FRMD5: variants seen among roughly 807,000 people sequenced by gnomAD.
The protein encoded by FRMD5 is FERM domain-containing protein 5.
Under a neutral mutation model 69.0 loss-of-function variants are expected in FRMD5, and 20 were observed. The observed-to-expected ratio is 0.29, with a 90% CI of 0.20 to 0.42. The LOEUF (loss-of-function observed/expected upper bound fraction) is 0.42, where lower values mean the gene tolerates loss of function less well. Ranked by LOEUF, FRMD5 falls within the 10% of genes least tolerant of loss-of-function variation. The probability of loss-of-function intolerance (pLI) is 1.00; values close to 1 mark genes in which losing one functional copy is unlikely to be tolerated. For synonymous variants in FRMD5, 271 were observed against 260.1 expected, an observed-to-expected ratio of 1.04 and a Z score of -0.40; for missense variants, 595 against 708.6, an observed-to-expected ratio of 0.84 and a Z score of 1.82.
intron 1 of FRMD5, among the ~76,000 whole-genome samples, chr15:44,106,127 A>G (rs569138212): frequency 6.6e-6 from 1 of 152,252 alleles, no homozygotes; most frequent in African/African-American, 2.4e-5. Context: ...ACGATGTTTT[A>G]AAAAGTACGG....
chr15:43,949,646 C>T (rs2089996593), intron 1 of FRMD5, among the ~76,000 whole-genome samples: 1 of 152,234 alleles, frequency 6.6e-6, no homozygotes. Flanking sequence ...TTGCATCATT[C>T]CACATAGCCA....
intron 1 of FRMD5, among the ~76,000 whole-genome samples, chr15:44,165,659 A>C (rs1395766340): frequency 6.6e-6 from 1 of 151,974 alleles, no homozygotes; most frequent in African/African-American, 2.4e-5. Context: ...AACATGGTGA[A>C]ACCCCATCTC....
At chr15:43,967,948 T>C (rs2090320247) in intron 1 of FRMD5, among the ~76,000 whole-genome samples, 1 of 151,638 alleles carries the variant, frequency 6.6e-6, no homozygotes, top group Non-Finnish European at 1.5e-5. Context: ...CCCTGGTGTG[T>C]GATGTTCCCC....
At chr15:44,090,581 A>T (rs1416048241) in intron 1 of FRMD5, among the ~76,000 whole-genome samples, 2 of 152,050 alleles carry the variant, frequency 1.3e-5, no homozygotes, top group South Asian at 2.1e-4. Context: ...CTGGGATTAC[A>T]GGTGCCCACC....
At chr15:43,889,018 A>G in intron 8 of FRMD5, 146 bp from the exon 9 acceptor site, 3 of 670,124 alleles carry the variant, frequency 4.5e-6, no homozygotes, top group Non-Finnish European at 7.9e-6. Flanking sequence ...ACAAGACAGC[A>G]GCGCAGTGGC....
intron 1 of FRMD5, among the ~76,000 whole-genome samples, chr15:44,175,040 C>A (rs935425164): frequency 1.5e-4 from 23 of 152,198 alleles, no homozygotes; most frequent in Non-Finnish European, 3.4e-4. Flanking sequence ...CCTGCACATT[C>A]TGCACATGTA....
chr15:44,180,477 G>A (rs1315187365), intron 1 of FRMD5, among the ~76,000 whole-genome samples: 1 of 151,988 alleles, frequency 6.6e-6, no homozygotes, highest in Non-Finnish European at 1.5e-5. Context: ...AAGAATTACA[G>A]AGAAAGGATG....
chr15:43,949,303 T>A (rs1280112092), intron 1 of FRMD5, among the ~76,000 whole-genome samples: 2 of 152,218 alleles, frequency 1.3e-5, no homozygotes, highest in Non-Finnish European at 2.9e-5. Context: ...CTATGCTCAC[T>A]GTCCACATGG....
intron 1 of FRMD5, among the ~76,000 whole-genome samples, chr15:43,939,441 G>A (rs578214513): frequency 6.6e-6 from 1 of 152,298 alleles, no homozygotes; most frequent in African/African-American, 2.4e-5. Context: ...AAAAGCTGCT[G>A]CCTCAGTAAA....
chr15:44,066,059 T>G (rs1893297303), intron 1 of FRMD5, among the ~76,000 whole-genome samples: 1 of 152,192 alleles, frequency 6.6e-6, no homozygotes, highest in Non-Finnish European at 1.5e-5. Flanking sequence ...CAACTCCAGG[T>G]GCTCTGATTT....
At chr15:43,874,808 G>A (rs905134745) in intron 13 of FRMD5, among the ~76,000 whole-genome samples, 1 of 152,112 alleles carries the variant, frequency 6.6e-6, no homozygotes, top group Non-Finnish European at 1.5e-5. Flanking sequence ...GCTGAGGCAG[G>A]AGAATCGCTT....
At chr15:44,069,962 G>A (rs1893467526) in intron 1 of FRMD5, among the ~76,000 whole-genome samples, 1 of 152,132 alleles carries the variant, frequency 6.6e-6, no homozygotes, top group Admixed American at 6.6e-5. Flanking sequence ...TTCATAAGAG[G>A]ATTATAATAA....
chr15:43,924,884 G>A (rs2089555951), intron 1 of FRMD5, among the ~76,000 whole-genome samples: 1 of 152,036 alleles, frequency 6.6e-6, no homozygotes, highest in African/African-American at 2.4e-5. Flanking sequence ...CAGGCACATT[G>A]TAGGATATTT....
At chr15:44,050,519 C>G (rs891656541) in intron 1 of FRMD5, among the ~76,000 whole-genome samples, 94 of 134,090 alleles carry the variant, frequency 7.0e-4, no homozygotes, top group African/African-American at 2.4e-3. Context: ...TGCCACCATG[C>G]CTGGCTCCCT....
chr15:44,172,107 T>C (rs1157708541), intron 1 of FRMD5, among the ~76,000 whole-genome samples: 2 of 151,334 alleles, frequency 1.3e-5, no homozygotes, highest in Non-Finnish European at 2.9e-5. Context: ...TTTTTTTTTT[T>C]TGAGGCAGGG....
chr15:43,899,455 T>A (rs1391036364), intron 7 of FRMD5, among the ~76,000 whole-genome samples: 1 of 152,196 alleles, frequency 6.6e-6, no homozygotes, highest in African/African-American at 2.4e-5. Context: ...GGGTAGTGAC[T>A]TGAGTTCAAA....
chr15:44,008,898 C>T (rs969893997), intron 1 of FRMD5, among the ~76,000 whole-genome samples: 1 of 151,982 alleles, frequency 6.6e-6, no homozygotes, highest in Admixed American at 6.6e-5. Flanking sequence ...TGGTGGCAGG[C>T]GCCTGTAGTC....
intron 5 of FRMD5, among the ~76,000 whole-genome samples, chr15:43,906,938 C>T (rs1026502194): frequency 6.6e-6 from 1 of 152,162 alleles, no homozygotes. Flanking sequence ...TCTCAAGTCC[C>T]TGCCAGGTGT....
upstream of FRMD5, among the ~76,000 whole-genome samples, chr15:44,197,229 A>C (rs751572638): frequency 6.0e-4 from 91 of 152,112 alleles, 1 homozygote; most frequent in Admixed American, 1.2e-3. Flanking sequence ...AACTGAAGTA[A>C]ATGGAATTGA....
Sources: gnomAD v4.1 joint callset for allele counts (sites outside exome capture counted in the v4.1 genomes callset) on GRCh38, gnomAD v4.1.1 for gene constraint, MANE v1.5 for transcripts, NCBI Gene and HGNC (gene_info 2026-07-23, HGNC 2026-07-21) for gene names.